MYRIP: variants seen among roughly 807,000 people sequenced by gnomAD.
MYRIP encodes the protein rab effector MyRIP.
MYRIP carries 49 observed loss-of-function variants against 98.0 expected under a neutral mutation model. The observed-to-expected ratio is 0.50, with a 90% CI of 0.40 to 0.63. The LOEUF (loss-of-function observed/expected upper bound fraction) is 0.63, where lower values mean the gene tolerates loss of function less well. Among genes scored for constraint, MYRIP ranks in the 30% least tolerant of loss-of-function variants. The pLI, the probability that MYRIP is intolerant of heterozygous loss-of-function variation, is 0.00. For missense variants in MYRIP, 1,004 were observed against 1,058.2 expected (o/e 0.95, Z 0.71); for synonymous variants, 404 against 409.5 (o/e 0.99, Z 0.16).
chr3:40,132,981 C>A (rs920191167), intron 3 of MYRIP, among the ~76,000 whole-genome samples: 2 of 152,252 alleles, frequency 1.3e-5, no homozygotes, highest in Admixed American at 6.5e-5. Context: ...TGATGGAGCA[C>A]TGGCTCATGG....
chr3:39,859,073 A>G lies in MYRIP; in HGVS notation c.-30-41714A>G, dbSNP rs111843015. On this transcript the variant is annotated intron_variant, in intron 1 of 16. Transcript: ENST00000302541. ...AATATAGAAAATAAAGACTAGAAAA[A>G]CAATAGAAAAGACCAATGAAACTGA... is the stretch of plus-strand genomic sequence containing the variant. Among the ~76,000 whole-genome samples the G allele has an allele frequency of 7.3e-5, 11 of 151,706 alleles. 1 individual carries two copies. Among genetic ancestry groups the G allele is most frequent in the African/African-American group, 2.4e-4 (10 of 41,430 alleles).
chr3:39,871,689 T>C (rs79069555), intron 1 of MYRIP, among the ~76,000 whole-genome samples: 2 of 152,256 alleles, frequency 1.3e-5, no homozygotes, highest in East Asian at 3.9e-4. Flanking sequence ...ACTATCATTA[T>C]TATTAATGAT....
At chr3:39,880,788 G>A (rs1035588548) in intron 1 of MYRIP, among the ~76,000 whole-genome samples, 4 of 152,058 alleles carry the variant, frequency 2.6e-5, no homozygotes, top group African/African-American at 7.2e-5. Context: ...TATCCCAGGT[G>A]TTCTGAAATT....
intron 3 of MYRIP, among the ~76,000 whole-genome samples, chr3:40,045,008 T>C (rs992481460): frequency 2.6e-5 from 4 of 152,198 alleles, no homozygotes; most frequent in African/African-American, 9.6e-5. Context: ...TCTGTGCTGA[T>C]CCTAGCATCT....
chr3:40,226,024 G>T (rs905346381), intron 11 of MYRIP, among the ~76,000 whole-genome samples: 1 of 152,040 alleles, frequency 6.6e-6, no homozygotes, highest in Admixed American at 6.6e-5. Context: ...GGACTGGAGG[G>T]CCCCATACTG....
At chr3:40,081,699 T>C (rs1948483172) in intron 3 of MYRIP, among the ~76,000 whole-genome samples, 1 of 152,230 alleles carries the variant, frequency 6.6e-6, no homozygotes, top group South Asian at 2.1e-4. Context: ...ACATTTGGAA[T>C]TTATTCTCTT....
intron 1 of MYRIP, among the ~76,000 whole-genome samples, chr3:39,812,918 G>T (rs1940746789): frequency 6.6e-6 from 1 of 152,142 alleles, no homozygotes; most frequent in South Asian, 2.1e-4. Flanking sequence ...CTAAATCCAT[G>T]GGTAGAACTC....
intron 2 of MYRIP, among the ~76,000 whole-genome samples, chr3:39,921,161 T>C (rs1371527296): frequency 6.6e-6 from 1 of 152,236 alleles, no homozygotes; most frequent in Non-Finnish European, 1.5e-5. Context: ...GATGGAATTT[T>C]GGGGCTAAAG....
chr3:40,094,507 G>C (rs1005733722), intron 3 of MYRIP, among the ~76,000 whole-genome samples: 1 of 152,212 alleles, frequency 6.6e-6, no homozygotes, highest in East Asian at 1.9e-4. Flanking sequence ...TCTGTTGCTA[G>C]TTTGGATTTT....
chr3:40,018,786 T>C (rs1435653753), intron 2 of MYRIP, among the ~76,000 whole-genome samples: 1 of 152,128 alleles, frequency 6.6e-6, no homozygotes, highest in Non-Finnish European at 1.5e-5. Flanking sequence ...TCTAACATTA[T>C]GGACAATCAA....
In MYRIP at chr3:40,260,086, A is replaced by C. The variant is rs1196168860; in HGVS notation, c.*1920A>C. ...ATTTACTATTAAAAACCATAAGCAT[A>C]TGTTATAGTTCCAGAAGAATTATTT... is the stretch of plus-strand genomic sequence containing the variant. On this transcript the variant is annotated 3_prime_UTR_variant, in exon 17 of 17. Transcript: ENST00000302541. 1 of 152,656 alleles carries C rather than the reference A, an allele frequency of 6.6e-6. No individual in the cohort carries two copies. The highest frequency in any genetic ancestry group is 1.5e-5 in the Non-Finnish European group (1 of 68,030). 9.5% of individuals were successfully genotyped at this position (152,656 alleles called of 1,614,324 possible).
At chr3:40,065,328 T>A (rs1948104057) in intron 3 of MYRIP, among the ~76,000 whole-genome samples, 2 of 152,190 alleles carry the variant, frequency 1.3e-5, no homozygotes, top group African/African-American at 4.8e-5. Flanking sequence ...ATTAACTAAG[T>A]GCATCTTCAA....
chr3:39,994,574 A>G (rs1477897071), intron 2 of MYRIP, among the ~76,000 whole-genome samples: 1 of 152,246 alleles, frequency 6.6e-6, no homozygotes, highest in Non-Finnish European at 1.5e-5. Flanking sequence ...CCACAGCTCA[A>G]GGAGGCCTGC....
intron 2 of MYRIP, among the ~76,000 whole-genome samples, chr3:39,950,794 T>C (rs1176685392): frequency 6.6e-6 from 1 of 152,216 alleles, no homozygotes; most frequent in African/African-American, 2.4e-5. Context: ...TATTATATGC[T>C]ATTTGTCATT....
At chr3:40,225,050 C>A (rs1337594136) in intron 11 of MYRIP, among the ~76,000 whole-genome samples, 1 of 152,174 alleles carries the variant, frequency 6.6e-6, no homozygotes, top group Non-Finnish European at 1.5e-5. Flanking sequence ...TTCTTTCCTA[C>A]CATTGAAAAG....
intron 2 of MYRIP, among the ~76,000 whole-genome samples, chr3:39,912,145 A>G (rs1378758405): frequency 1.3e-5 from 2 of 151,974 alleles, no homozygotes; most frequent in East Asian, 3.9e-4. Context: ...ACAGGCTCCC[A>G]TTTTGTGTCA....
In MYRIP at chr3:40,189,889, C is replaced by T. The variant is rs896152269; in HGVS notation, c.1091C>T (p.Pro364Leu). 2 of 1,614,166 alleles carry T rather than the reference C, an allele frequency of 1.2e-6. No homozygotes were observed. The highest frequency in any genetic ancestry group is 1.7e-6 in the Non-Finnish European group (2 of 1,180,030). ...NWVALKDGAP[P>L]PTRLLAKPKS... is the part of the protein sequence containing the mutation. ...GTGGCCCTGAAGGATGGCGCTCCAC[C>T]CCCCACCCGACTACTGGCCAAACCT... Residue 364 changes from proline to leucine, a missense_variant, in exon 10 of 17, where the codon CCC (proline) becomes CTC (leucine). Coordinates refer to ENST00000302541, the MANE Select transcript of MYRIP (RefSeq NM_015460.4).
chr3:40,037,345 A>G (rs1196706010), intron 2 of MYRIP, among the ~76,000 whole-genome samples: 3 of 152,072 alleles, frequency 2.0e-5, no homozygotes, highest in Non-Finnish European at 4.4e-5. Flanking sequence ...GCAAATTGCA[A>G]GGGAGATATA....
intron 12 of MYRIP, among the ~76,000 whole-genome samples, chr3:40,239,663 G>T (rs1206844336): frequency 6.6e-6 from 1 of 150,522 alleles, no homozygotes; most frequent in Non-Finnish European, 1.5e-5. Context: ...GGCCAGTGAT[G>T]ATGAGCATTT....
Sources: gnomAD v4.1 joint callset for allele counts (sites outside exome capture counted in the v4.1 genomes callset) on GRCh38, gnomAD v4.1.1 for gene constraint, MANE v1.5 for transcripts, NCBI Gene and HGNC (gene_info 2026-07-23, HGNC 2026-07-21) for gene names.